Variants in PDE8A observed in about 807,000 individuals in gnomAD.
PDE8A encodes phosphodiesterase 8A.
PDE8A carries 59 observed loss-of-function variants against 105.0 expected under a neutral mutation model. That is an observed-to-expected ratio of 0.56 (90% confidence interval 0.46 to 0.70). The LOEUF is 0.70. PDE8A is among the 30% of genes least tolerant of loss of function. The pLI is 0.00. For synonymous variants in PDE8A, 355 were observed against 371.9 expected (o/e 0.95, Z 0.52); for missense variants, 1,014 against 1,045.9 (o/e 0.97, Z 0.42).
intron 1 of PDE8A, among the ~76,000 whole-genome samples, chr15:84,982,734 T>G (rs2079738002): frequency 6.6e-6 from 1 of 152,194 alleles, no homozygotes; most frequent in Non-Finnish European, 1.5e-5. Flanking sequence ...CAATGTTAAA[T>G]CAGTGTGAAC....
intron 1 of PDE8A, among the ~76,000 whole-genome samples, chr15:85,052,751 A>G (rs978017099): frequency 6.6e-6 from 1 of 151,966 alleles, no homozygotes; most frequent in Non-Finnish European, 1.5e-5. Context: ...AGATTGTAAA[A>G]ATTTTCTCCC....
intron 1 of PDE8A, among the ~76,000 whole-genome samples, chr15:84,993,671 G>C (rs1175947638): frequency 1.3e-5 from 2 of 151,974 alleles, no homozygotes; most frequent in African/African-American, 4.8e-5. Flanking sequence ...CGTGAGGCCA[G>C]GAGTTTGAGA....
intron 11 of PDE8A, among the ~76,000 whole-genome samples, chr15:85,102,172 A>G (rs1321249003): frequency 6.6e-6 from 1 of 152,098 alleles, no homozygotes; most frequent in African/African-American, 2.4e-5. Context: ...GAGACCACCC[A>G]CCTCCAGAGA....
chr15:85,001,790 C>G (rs1447758833), intron 1 of PDE8A, among the ~76,000 whole-genome samples: 1 of 152,136 alleles, frequency 6.6e-6, no homozygotes, highest in African/African-American at 2.4e-5. Flanking sequence ...GCTGTGACAC[C>G]TTATTAAAGC....
chr15:85,040,956 A>AT (rs2080797452), intron 1 of PDE8A, among the ~76,000 whole-genome samples: 1 of 152,102 alleles, frequency 6.6e-6, no homozygotes, highest in South Asian at 2.1e-4. Flanking sequence ...TCATCATATT[A>AT]TTATCCCCTA....
chr15:85,017,512 A>G (rs1383310313), intron 1 of PDE8A, among the ~76,000 whole-genome samples: 1 of 152,208 alleles, frequency 6.6e-6, no homozygotes. Context: ...GTTTTATACA[A>G]AATAGTGTGT....
intron 1 of PDE8A, among the ~76,000 whole-genome samples, chr15:85,019,357 A>G (rs1388116668): frequency 6.6e-6 from 1 of 152,186 alleles, no homozygotes; most frequent in Non-Finnish European, 1.5e-5. Context: ...AGACATAGCA[A>G]ATGTATCAAC....
chr15:85,107,406 C>G (rs1266521979), intron 11 of PDE8A, among the ~76,000 whole-genome samples: 5 of 152,146 alleles, frequency 3.3e-5, no homozygotes, highest in Non-Finnish European at 2.9e-5. Flanking sequence ...TTTTGTTTTA[C>G]AACGATCGCT....
chr15:85,017,149 T>C (rs1217887979), intron 1 of PDE8A, among the ~76,000 whole-genome samples: 2 of 151,286 alleles, frequency 1.3e-5, no homozygotes, highest in Non-Finnish European at 2.9e-5. Context: ...TAGTCCCAGC[T>C]ACTCGGGAGG....
intron 1 of PDE8A, among the ~76,000 whole-genome samples, chr15:85,042,006 A>G (rs1239347155): frequency 6.6e-6 from 1 of 152,134 alleles, no homozygotes; most frequent in Non-Finnish European, 1.5e-5. Flanking sequence ...TTTTTCTGAG[A>G]TGATTATTTG....
chr15:85,009,873 A>C (rs564230706), intron 1 of PDE8A, among the ~76,000 whole-genome samples: 10 of 152,356 alleles, frequency 6.6e-5, no homozygotes, highest in African/African-American at 2.4e-4. Flanking sequence ...TAAAAACTAG[A>C]AATAACCCCA....
intron 11 of PDE8A, among the ~76,000 whole-genome samples, chr15:85,106,604 G>A (rs1048554730): frequency 6.6e-6 from 1 of 152,220 alleles, no homozygotes; most frequent in Non-Finnish European, 1.5e-5. Flanking sequence ...CCATGTGGTT[G>A]AGAAGAGGGG....
chr15:85,001,765 C>T (rs2080071383), intron 1 of PDE8A, among the ~76,000 whole-genome samples: 1 of 152,188 alleles, frequency 6.6e-6, no homozygotes. Context: ...CTATGATCAG[C>T]TTGATACGTT....
intron 1 of PDE8A, among the ~76,000 whole-genome samples, chr15:85,047,783 G>C (rs1198585165): frequency 6.6e-6 from 1 of 152,176 alleles, no homozygotes; most frequent in East Asian, 1.9e-4. Context: ...ACCTAGGAGG[G>C]ATGAGCCTTT....
At chr15:85,051,936 A>G (rs35843593) in intron 1 of PDE8A, among the ~76,000 whole-genome samples, 1 of 151,810 alleles carries the variant, frequency 6.6e-6, no homozygotes, top group Non-Finnish European at 1.5e-5. Flanking sequence ...CTCATCATTT[A>G]CATTAGATAT....
At chr15:85,045,301 G>T (rs765703508) in intron 1 of PDE8A, among the ~76,000 whole-genome samples, 1 of 152,212 alleles carries the variant, frequency 6.6e-6, no homozygotes, top group African/African-American at 2.4e-5. Context: ...GTAAAGATCT[G>T]TCAGAAGGAT....
intron 1 of PDE8A, among the ~76,000 whole-genome samples, chr15:84,990,517 A>C (rs111701727): frequency 4.7e-4 from 71 of 152,340 alleles, no homozygotes; most frequent in African/African-American, 1.7e-3. Flanking sequence ...TATTTCACTC[A>C]GCATAATGTT....
chr15:85,030,282 A>T (rs2080592177), intron 1 of PDE8A, among the ~76,000 whole-genome samples: 1 of 151,690 alleles, frequency 6.6e-6, no homozygotes, highest in Non-Finnish European at 1.5e-5. Context: ...AGTTCCTGGA[A>T]CCTGAGGTTG....
intron 1 of PDE8A, among the ~76,000 whole-genome samples, chr15:85,028,987 C>T (rs923870477): frequency 2.0e-5 from 3 of 151,936 alleles, no homozygotes; most frequent in Admixed American, 6.6e-5. Flanking sequence ...AGTAATCTGT[C>T]GAGAGAGAGA....
Sources: allele counts gnomAD v4.1 joint callset (sites outside exome capture counted in the v4.1 genomes callset), GRCh38; gene constraint gnomAD v4.1.1; transcripts MANE v1.5; gene names NCBI Gene and HGNC (gene_info 2026-07-23, HGNC 2026-07-21).